PTPRD: variants seen among roughly 807,000 people sequenced by gnomAD.
PTPRD encodes the protein receptor-type tyrosine-protein phosphatase delta.
Under a neutral mutation model 214.5 loss-of-function variants are expected in PTPRD, and 34 were observed. The ratio of observed to expected loss-of-function variants is 0.16; its 90% confidence interval spans 0.12 to 0.21. PTPRD has a LOEUF of 0.21. Among genes scored for constraint, PTPRD ranks in the 10% least tolerant of loss-of-function variants. PTPRD has a pLI of 1.00. For synonymous variants in PTPRD, 1,128 were observed against 845.7 expected, an observed-to-expected ratio of 1.33 and a Z score of -5.79; for missense variants, 2,545 against 2,398.7, an observed-to-expected ratio of 1.06 and a Z score of -1.27.
chr9:10,019,876 T>C (rs1168861825), intron 4 of PTPRD, among the ~76,000 whole-genome samples: 2 of 152,142 alleles, frequency 1.3e-5, no homozygotes, highest in Non-Finnish European at 1.5e-5. Context: ...TATGTATACA[T>C]ATGTAACTAA....
chr9:8,625,098 G>A (rs867438429), intron 14 of PTPRD, among the ~76,000 whole-genome samples: 24 of 151,598 alleles, frequency 1.6e-4, no homozygotes, highest in African/African-American at 5.6e-4. Flanking sequence ...ATACACAAAG[G>A]AAGAGGTATA....
At chr9:9,938,276 C>A (rs915480044) in intron 5 of PTPRD, among the ~76,000 whole-genome samples, 1 of 152,184 alleles carries the variant, frequency 6.6e-6, no homozygotes, top group African/African-American at 2.4e-5. Context: ...GAAATCCATT[C>A]ATAGTTACCT....
chr9:9,713,988 T>TA (rs1172237066), intron 7 of PTPRD, among the ~76,000 whole-genome samples: 7 of 151,948 alleles, frequency 4.6e-5, no homozygotes, highest in African/African-American at 1.7e-4. Context: ...AGCTGGTTTT[T>TA]ATCTCCAAAG....
intron 19 of PTPRD, among the ~76,000 whole-genome samples, chr9:8,523,220 G>C (rs2097925145): frequency 6.6e-6 from 1 of 152,112 alleles, no homozygotes; most frequent in Non-Finnish European, 1.5e-5. Flanking sequence ...GGCAGGGTGG[G>C]AGATGGGGAC....
rs536227938 is a variant in PTPRD, at chr9:9,127,907, G to T, written c.-143+55397C>A. On this transcript the variant is annotated intron_variant, in intron 10 of 45. Transcript: ENST00000381196. ...ATATCTTCTAACTTTGCCAGAATTT[G>T]CCACTACTAGAATATCTGGTCTACA... Among the ~76,000 whole-genome samples the T allele has an allele frequency of 3.9e-4, 60 of 152,280 alleles. No individual in the cohort carries two copies. The East Asian group carries it at 4.4e-3, about 11-fold the overall frequency.
At chr9:10,375,205 G>C (rs2097704429) in intron 2 of PTPRD, among the ~76,000 whole-genome samples, 1 of 152,014 alleles carries the variant, frequency 6.6e-6, no homozygotes, top group South Asian at 2.1e-4. Context: ...TTTCTAAGTA[G>C]AGGCTTGTAC....
intron 2 of PTPRD, among the ~76,000 whole-genome samples, chr9:10,522,048 C>T (rs1364584900): frequency 6.6e-6 from 1 of 152,018 alleles, no homozygotes; most frequent in Non-Finnish European, 1.5e-5. Flanking sequence ...TCCACACACT[C>T]ATAGATGGAT....
At chr9:9,404,417 G>C (rs1156356564) in intron 8 of PTPRD, among the ~76,000 whole-genome samples, 1 of 151,942 alleles carries the variant, frequency 6.6e-6, no homozygotes, top group Non-Finnish European at 1.5e-5. Context: ...ATATTTTGAA[G>C]GTGGAACAAG....
At chr9:8,957,491 T>A (rs2099137289) in intron 11 of PTPRD, among the ~76,000 whole-genome samples, 1 of 151,792 alleles carries the variant, frequency 6.6e-6, no homozygotes, top group Non-Finnish European at 1.5e-5. Flanking sequence ...TCAGCCAAAA[T>A]CAAACCCTGT....
At chr9:9,001,031 A>C (rs1589578966) in intron 11 of PTPRD, among the ~76,000 whole-genome samples, 1 of 152,132 alleles carries the variant, frequency 6.6e-6, no homozygotes, top group East Asian at 1.9e-4. Context: ...GCCTTCCACT[A>C]TAAGAGGACA....
intron 3 of PTPRD, among the ~76,000 whole-genome samples, chr9:10,153,448 C>T (rs1189581849): frequency 5.3e-5 from 8 of 150,962 alleles, no homozygotes; most frequent in Non-Finnish European, 1.2e-4. Flanking sequence ...TCTTTCCAGA[C>T]ATTTACACTT....
At chr9:8,687,158 T>C (rs1270102744) in intron 12 of PTPRD, among the ~76,000 whole-genome samples, 1 of 152,150 alleles carries the variant, frequency 6.6e-6, no homozygotes, top group Non-Finnish European at 1.5e-5. Flanking sequence ...GTTTGCTAAA[T>C]CAAATTCAGT....
intron 8 of PTPRD, among the ~76,000 whole-genome samples, chr9:9,549,592 A>G (rs1312815023): frequency 6.6e-6 from 1 of 152,072 alleles, no homozygotes; most frequent in Non-Finnish European, 1.5e-5. Flanking sequence ...CTCGTTATTT[A>G]CCTAAGAAAA....
intron 3 of PTPRD, among the ~76,000 whole-genome samples, chr9:10,036,868 CA>C (rs1301080775): frequency 8.0e-6 from 1 of 124,514 alleles, no homozygotes; most frequent in Non-Finnish European, 1.7e-5. Flanking sequence ...AGGCCTGAGC[CA>C]AATTTTTATT....
intron 5 of PTPRD, among the ~76,000 whole-genome samples, chr9:9,850,472 T>C (rs1400017123): frequency 1.3e-5 from 2 of 152,158 alleles, no homozygotes; most frequent in Non-Finnish European, 1.5e-5. Flanking sequence ...TCTGGAGTCA[T>C]GTGATGAATT....
chr9:9,451,348 A>G (rs1273111373), intron 8 of PTPRD, among the ~76,000 whole-genome samples: 2 of 151,728 alleles, frequency 1.3e-5, no homozygotes, highest in Admixed American at 6.6e-5. Context: ...GAAATATTAA[A>G]TAATTCAAAA....
intron 6 of PTPRD, among the ~76,000 whole-genome samples, chr9:9,735,734 G>A (rs761153362): frequency 4.6e-5 from 7 of 151,998 alleles, no homozygotes; most frequent in Admixed American, 1.3e-4. Flanking sequence ...CTCTAGCCTG[G>A]CTTCAAAGAT....
chr9:9,271,288 A>G lies in PTPRD; in HGVS notation c.-202-87925T>C, dbSNP rs1170204119. ...CTTCAAACTTATTTTTCTCATCTTA[A>G]AAAAAAAAAACATCTGTGAACTTTC... On this transcript the variant is annotated intron_variant, in intron 9 of 45. Transcript: ENST00000381196. Among the ~76,000 whole-genome samples the G allele has an allele frequency of 7.5e-5, 11 of 147,600 alleles. No individual in the cohort carries two copies. In the Admixed American group the frequency reaches 7.5e-4, roughly 10 times the overall value.
intron 3 of PTPRD, among the ~76,000 whole-genome samples, chr9:10,098,806 C>A (rs1463981382): frequency 6.6e-6 from 1 of 151,738 alleles, no homozygotes; most frequent in African/African-American, 2.4e-5. Flanking sequence ...CAAAGACATG[C>A]AGGTGGTTAA....
Sources: allele counts gnomAD v4.1 joint callset (sites outside exome capture counted in the v4.1 genomes callset), GRCh38; gene constraint gnomAD v4.1.1; transcripts MANE v1.5; gene names NCBI Gene and HGNC (gene_info 2026-07-23, HGNC 2026-07-21).